COQ8A: variants seen among roughly 807,000 people sequenced by gnomAD.
COQ8A encodes the protein coenzyme Q8A.
In COQ8A, 51 loss-of-function variants were observed where a neutral mutation model predicts 65.0. The ratio of observed to expected loss-of-function variants is 0.78; its 90% CI spans 0.63 to 0.99. The LOEUF is 0.99. Among genes scored for constraint, COQ8A ranks in the 50% least tolerant of loss-of-function variants. The pLI is 0.00. For missense variants in COQ8A, 940 were observed against 875.0 expected, an observed-to-expected ratio of 1.07 and a Z score of -0.94; for synonymous variants, 371 against 353.2, an observed-to-expected ratio of 1.05 and a Z score of -0.57.
chr1:226,974,175 G>A lies in COQ8A; in HGVS notation c.656-3274G>A, dbSNP rs117841761. 2.5e-3 allele frequency among the ~76,000 whole-genome samples: 388 copies of A among 152,304 alleles called. 9 individuals carry two copies. In the East Asian group the frequency reaches 0.047, roughly 18 times the overall value. On this transcript the variant is annotated intron_variant, in intron 4 of 14. Transcript: ENST00000366777. Reference sequence around the variant, plus strand: ...GACTTTTGGGAGGATGGGGCCTTGTGGGGGACTGGGCTCCAGAAGTCATAG... The same window carrying A: ...GACTTTTGGGAGGATGGGGCCTTGTAGGGGACTGGGCTCCAGAAGTCATAG...
intron 8 of COQ8A, 61 bp from the exon 9 acceptor site, chr1:226,983,491 C>T (rs1572081010): frequency 4.0e-6 from 6 of 1,517,118 alleles, no homozygotes; most frequent in East Asian, 2.3e-5. Context: ...GGGGGAGTGC[C>T]CCAGGCAGGG....
chr1:226,982,287 T>G lies in COQ8A; in HGVS notation c.853+138T>G, dbSNP rs1659748473. The G allele has an allele frequency of 7.6e-6, 10 of 1,315,016 alleles. No homozygotes were observed. In the South Asian group the frequency reaches 8.6e-5, roughly 11 times the overall value. The allele number at this position is 1,315,016 out of a possible 1,614,324, so 81.5% of individuals were successfully genotyped here. ...GCTGGGGAGAGATCTTAGAAGATAA[T>G]AGGCCTGGTCTCCAGACGGGTGGCT... is the stretch of plus-strand genomic sequence containing the variant. On this transcript the variant is annotated intron_variant, in intron 6 of 14. Coordinates refer to ENST00000366777, the MANE Select transcript of COQ8A (RefSeq NM_020247.5).
chr1:226,983,516 T>C, intron 8 of COQ8A, 36 bp from the exon 9 acceptor site: 1 of 1,600,290 alleles, frequency 6.2e-7, no homozygotes, highest in Non-Finnish European at 8.6e-7. Context: ...CCCGTCTCCC[T>C]GGGCTAACTC....
At position 226,987,514 on chromosome 1, in the gene COQ8A, T is replaced by C. The variant is rs951379467; in HGVS notation, c.*777T>C. 3 of 151,090 alleles carry C rather than the reference T, an allele frequency of 2.0e-5. No individual in the cohort carries two copies. Among genetic ancestry groups the C allele is most frequent in the Admixed American group, 6.6e-5 (1 of 15,072 alleles). The allele number at this position is 151,090 out of a possible 1,614,324, so 9.4% of individuals were successfully genotyped here. On this transcript the variant is annotated 3_prime_UTR_variant, in exon 15 of 15. Coordinates refer to ENST00000366777, the MANE Select transcript of COQ8A (RefSeq NM_020247.5). ...GTAATTATCGAATCAACAACTTGTT[T>C]CAATTTAATAAAAATGCTCATGGGA...
At chr1:226,975,242 G>A (rs892419745) in intron 4 of COQ8A, among the ~76,000 whole-genome samples, 6 of 152,218 alleles carry the variant, frequency 3.9e-5, no homozygotes, top group African/African-American at 1.2e-4. Context: ...TCTACAGCGA[G>A]AGAAAGAGCT....
intron 14 of COQ8A, 73 bp downstream of exon 14, chr1:226,985,413 A>G: frequency 6.4e-7 from 1 of 1,554,114 alleles, no homozygotes; most frequent in Non-Finnish European, 8.9e-7. Flanking sequence ...AATGGATGAA[A>G]GCACAGGGGG....
chr1:226,950,960 G>C (rs1284484279), intron 1 of COQ8A, among the ~76,000 whole-genome samples: 1 of 152,204 alleles, frequency 6.6e-6, no homozygotes, highest in Non-Finnish European at 1.5e-5. Context: ...TTCTTACAAG[G>C]CATGACCCAC....
rs1659956542 is a variant in COQ8A at position 226,984,565 on chromosome 1, G to A, written c.1416G>A (p.Leu472=). 6.2e-7 allele frequency: 1 copy of A among 1,613,890 alleles called. No individual in the cohort carries two copies. Among genetic ancestry groups the A allele is most frequent in the Non-Finnish European group, 8.5e-7 (1 of 1,179,768 alleles). The change falls in exon 12 of 15, where the codon CTG becomes CTA. Residue 472 remains leucine (L), a synonymous_variant. Transcript: ENST00000366777. The part of the protein sequence containing the change: ...EIRNEICYNI[L]VLCLRELFEF... ...GTCCACAGATCTGCTACAACATCCTGGTTCTGTGCCTGAGGGAGCTGTTCG... is the reference window on the plus strand; with the variant it reads ...GTCCACAGATCTGCTACAACATCCTAGTTCTGTGCCTGAGGGAGCTGTTCG...
intron 13 of COQ8A, 65 bp from the exon 14 acceptor site, chr1:226,985,189 T>A (rs1434302720): frequency 2.6e-6 from 4 of 1,564,100 alleles, no homozygotes; most frequent in Non-Finnish European, 2.6e-6. Flanking sequence ...GGCACTTGGC[T>A]CCCTGGGATG....
chr1:226,965,209 G>T lies in COQ8A; in HGVS notation c.387G>T (p.Gly129=), dbSNP rs780475557. ...CCAGTGGACCCTTTAGAGAAGCCGG[G>T]TTCCCCGGCCAGGCCTCCTCCCCTC... ...YVASGPFREA[G]FPGQASSPLG... is the part of the protein sequence containing the mutation. Residue 129 remains glycine, a synonymous_variant, in exon 3 of 15, where the codon GGG becomes GGT. Transcript: ENST00000366777. 1 of 1,613,542 alleles carries T rather than the reference G, an allele frequency of 6.2e-7. No homozygotes were observed. The highest frequency in any genetic ancestry group is 8.5e-7 in the Non-Finnish European group (1 of 1,179,982).
intron 4 of COQ8A, among the ~76,000 whole-genome samples, chr1:226,975,742 G>A (rs918952416): frequency 6.6e-6 from 1 of 152,164 alleles, no homozygotes; most frequent in Admixed American, 6.5e-5. Flanking sequence ...CTCTACTCAC[G>A]CCCGCACGAC....
intron 12 of COQ8A, 72 bp downstream of exon 12, chr1:226,984,727 A>G (rs1291202305): frequency 1.3e-6 from 2 of 1,525,728 alleles, no homozygotes; most frequent in Non-Finnish European, 1.8e-6. Context: ...GAGGCCCTGG[A>G]CTGCCCCTTG....
rs989329496 is a variant in COQ8A, at chr1:226,949,383, G to A, written c.-10+8984G>A. On this transcript the variant is annotated intron_variant, in intron 1 of 14. Coordinates refer to ENST00000366777, the MANE Select transcript of COQ8A (RefSeq NM_020247.5). The surrounding 1 kb of genome is among the most constrained non-coding windows in gnomAD (Gnocchi z 4.0). ...CTGGCAGGAGAGTGTTCCATGGCTC[G>A]GAGCTGGGGAGCTTGTGGGAGTTAG... Among the ~76,000 whole-genome samples the A allele has an allele frequency of 4.6e-5, 7 of 152,008 alleles. No individual in the cohort carries two copies. Among genetic ancestry groups the A allele is most frequent in the Admixed American group, 1.3e-4 (2 of 15,260 alleles).
At chr1:226,954,224 G>C (rs1438192271) in intron 1 of COQ8A, among the ~76,000 whole-genome samples, 1 of 152,190 alleles carries the variant, frequency 6.6e-6, no homozygotes, top group Non-Finnish European at 1.5e-5. Flanking sequence ...TCCTTTTTCT[G>C]TTTCTTGAAG....
At chr1:226,973,986 C>A (rs1659045592) in intron 4 of COQ8A, among the ~76,000 whole-genome samples, 1 of 152,264 alleles carries the variant, frequency 6.6e-6, no homozygotes, top group African/African-American at 2.4e-5. Context: ...TTTACTTACT[C>A]ACCCCTGCCC....
At chr1:226,979,504 C>T (rs947323589) in intron 5 of COQ8A, among the ~76,000 whole-genome samples, 20 of 152,182 alleles carry the variant, frequency 1.3e-4, no homozygotes, top group Non-Finnish European at 2.9e-5. Flanking sequence ...GAGTTCTGGG[C>T]CAAGTCCCCT....
chr1:226,974,098 C>T (rs550461167), intron 4 of COQ8A, among the ~76,000 whole-genome samples: 2 of 152,278 alleles, frequency 1.3e-5, no homozygotes, highest in East Asian at 1.9e-4. Flanking sequence ...GGGCAGAAGC[C>T]GAGTGACTGC....
intron 4 of COQ8A, 83 bp from the exon 5 acceptor site, chr1:226,977,366 T>C (rs1659301666): frequency 8.1e-6 from 11 of 1,351,070 alleles, no homozygotes; most frequent in Non-Finnish European, 1.0e-5. Flanking sequence ...GTCTGTGTGG[T>C]GCTGCCCCAG....
In COQ8A at chr1:226,953,576, C is replaced by T. The variant is rs530113508; in HGVS notation, c.-9-7801C>T. Among the ~76,000 whole-genome samples, 6 of 152,330 alleles carry T rather than the reference C, an allele frequency of 3.9e-5. No homozygotes were observed. In the South Asian group the frequency reaches 1.2e-3, roughly 32 times the overall value. ...CAGCCCTGGGGTAGACTCTTGAGTA[C>T]AGGCTCCTGGGCTCCCGCTGTGAAG... On this transcript the variant is annotated intron_variant, in intron 1 of 14. Coordinates refer to ENST00000366777, the MANE Select transcript of COQ8A (RefSeq NM_020247.5).
Sources: gnomAD v4.1 joint callset for allele counts (sites outside exome capture counted in the v4.1 genomes callset) on GRCh38, gnomAD v4.1.1 for gene constraint, Gnocchi (gnomAD v3.1) non-coding constraint, MANE v1.5 for transcripts, NCBI Gene and HGNC (gene_info 2026-07-23, HGNC 2026-07-21) for gene names.